Variants in KCNIP4 observed in about 807,000 individuals in gnomAD.
KCNIP4 encodes Kv channel-interacting protein 4.
In KCNIP4, 12 loss-of-function variants were observed where a neutral mutation model predicts 34.0. The observed-to-expected ratio is 0.35, with a 90% confidence interval of 0.23 to 0.57. The LOEUF is 0.57. Among genes scored for constraint, KCNIP4 ranks in the 20% least tolerant of loss-of-function variants. The pLI is 0.83. For missense variants in KCNIP4, 238 were observed against 311.7 expected (o/e 0.76, Z 1.78); for synonymous variants, 124 against 102.2 (o/e 1.21, Z -1.29).
chr4:21,014,304 C>G (rs528204243), intron 1 of KCNIP4, among the ~76,000 whole-genome samples: 2 of 152,324 alleles, frequency 1.3e-5, no homozygotes, highest in African/African-American at 4.8e-5. Context: ...CCTTTCCCCT[C>G]AAAGCCCATC....
Position 21,462,866 on chromosome 4 carries a change from T to G in KCNIP4, c.61+485705A>C, listed in dbSNP as rs564836433. ...TGCCACATTTTATTTATTCATTTAT[T>G]TATTCATTTTATTTATCCATTTATT... On this transcript the variant is annotated intron_variant, in intron 1 of 8. Transcript: ENST00000382152. 3.3e-4 allele frequency among the ~76,000 whole-genome samples: 50 copies of G among 152,034 alleles called. 1 individual carries two copies. Among genetic ancestry groups the G allele is most frequent in the African/African-American group, 1.2e-3 (49 of 41,454 alleles).
intron 3 of KCNIP4, among the ~76,000 whole-genome samples, chr4:20,781,683 G>T (rs938908292): frequency 6.6e-6 from 1 of 152,092 alleles, no homozygotes; most frequent in Non-Finnish European, 1.5e-5. Context: ...TCTCCCATTG[G>T]GTCCCTCCTA....
At position 21,320,964 on chromosome 4, in the gene KCNIP4, T is replaced by TTAAAAAAAAAAAAAAAAAAA. The variant is rs1553860312; in HGVS notation, c.62-438256_62-438255insTTTTTTTTTTTTTTTTTTTA. On this transcript the variant is annotated intron_variant, in intron 1 of 8. Coordinates refer to ENST00000382152, the MANE Select transcript of KCNIP4 (RefSeq NM_025221.6). Reference sequence around the variant, plus strand: ...TGGGCAATAGAGCAAGAATCTGTCTTAAAAAAAAAAAAAAAAAAGAGGAAA... The same window carrying TTAAAAAAAAAAAAAAAAAAA: ...TGGGCAATAGAGCAAGAATCTGTCTTTAAAAAAAAAAAAAAAAAAAAAAAAAAAAAAAAAAAAAGAGGAAA... Among the ~76,000 whole-genome samples the TTAAAAAAAAAAAAAAAAAAA allele has an allele frequency of 5.8e-4, 60 of 102,890 alleles. 1 individual carries two copies. In the East Asian group the frequency reaches 8.4e-3, roughly 14 times the overall value. 67.5% of individuals were successfully genotyped at this position (102,890 alleles called of 152,430 possible).
chr4:20,764,856 T>TATCA (rs1755258079), intron 3 of KCNIP4, among the ~76,000 whole-genome samples: 2 of 152,324 alleles, frequency 1.3e-5, no homozygotes, highest in Admixed American at 1.3e-4. Flanking sequence ...GTCGCTGTGA[T>TATCA]GGCACTCAGC....
At chr4:21,354,744 C>T (rs187345751) in intron 1 of KCNIP4, among the ~76,000 whole-genome samples, 6 of 152,284 alleles carry the variant, frequency 3.9e-5, no homozygotes, top group Admixed American at 3.9e-4. Context: ...ATCAACAAGA[C>T]AGAAGATTAA....
rs1401219732 is a variant in KCNIP4 at position 21,234,417 on chromosome 4, C to T, written c.62-351708G>A. ...TATATAATATATTATATAACATATACTATATATATTACATATAACGTATAT... is the reference window on the plus strand; with the variant it reads ...TATATAATATATTATATAACATATATTATATATATTACATATAACGTATAT... On this transcript the variant is annotated intron_variant, in intron 1 of 8. Coordinates refer to ENST00000382152, the MANE Select transcript of KCNIP4 (RefSeq NM_025221.6). Among the ~76,000 whole-genome samples, 33 of 125,178 alleles carry T rather than the reference C, an allele frequency of 2.6e-4. 5 individuals are homozygous for T. The highest frequency in any genetic ancestry group is 3.2e-4 in the African/African-American group (10 of 31,286). 82.1% of individuals were successfully genotyped at this position (125,178 alleles called of 152,430 possible).
chr4:20,996,462 CAT>C (rs1737562915), intron 1 of KCNIP4, among the ~76,000 whole-genome samples: 2 of 152,218 alleles, frequency 1.3e-5, no homozygotes, highest in Admixed American at 6.5e-5. Context: ...TCTCTGCCCA[CAT>C]AGTCTTTCGA....
At chr4:21,324,009 G>A (rs545660057) in intron 1 of KCNIP4, among the ~76,000 whole-genome samples, 9 of 152,068 alleles carry the variant, frequency 5.9e-5, no homozygotes, top group African/African-American at 1.9e-4. Context: ...GTGATGTTGA[G>A]CACTTTTCAT....
chr4:21,474,586 AT>A (rs1242594910), intron 1 of KCNIP4, among the ~76,000 whole-genome samples: 1 of 152,314 alleles, frequency 6.6e-6, no homozygotes, highest in East Asian at 1.9e-4. Flanking sequence ...CCAAAGCATT[AT>A]CTATAGTGAT....
chr4:20,944,019 C>A (rs1731925926), intron 1 of KCNIP4, among the ~76,000 whole-genome samples: 1 of 152,134 alleles, frequency 6.6e-6, no homozygotes, highest in Non-Finnish European at 1.5e-5. Context: ...AGGCCTTGAC[C>A]AGTTGCTCTA....
intron 1 of KCNIP4, among the ~76,000 whole-genome samples, chr4:21,933,464 C>T (rs1258247856): frequency 1.3e-5 from 2 of 152,010 alleles, no homozygotes; most frequent in African/African-American, 4.8e-5. Context: ...TTTCTAATTC[C>T]TTTAATCATT....
intron 1 of KCNIP4, among the ~76,000 whole-genome samples, chr4:21,514,148 T>C (rs1205468582): frequency 6.6e-6 from 1 of 152,162 alleles, no homozygotes; most frequent in African/African-American, 2.4e-5. Context: ...AAATGTTAAC[T>C]GTAAGATGGT....
intron 1 of KCNIP4, among the ~76,000 whole-genome samples, chr4:21,358,628 G>A (rs1718905941): frequency 1.1e-5 from 1 of 87,852 alleles, no homozygotes; most frequent in South Asian, 2.9e-4. Flanking sequence ...GTTTCTGAAT[G>A]AGATGAGATT....
At chr4:20,823,372 G>C (rs1717343141) in intron 3 of KCNIP4, among the ~76,000 whole-genome samples, 1 of 152,058 alleles carries the variant, frequency 6.6e-6, no homozygotes, top group Non-Finnish European at 1.5e-5. Context: ...AAGTAGAGTT[G>C]GTATCAATAG....
intron 1 of KCNIP4, among the ~76,000 whole-genome samples, chr4:21,628,983 T>C (rs1745528355): frequency 6.6e-6 from 1 of 152,190 alleles, no homozygotes; most frequent in African/African-American, 2.4e-5. Flanking sequence ...AGTATATACA[T>C]TTAAAGGTAG....
Position 20,810,454 on chromosome 4 carries a change from G to C in KCNIP4, c.288+40089C>G, listed in dbSNP as rs1715594353. 4.5e-5 allele frequency among the ~76,000 whole-genome samples: 6 copies of C among 133,350 alleles called. No homozygotes were observed. In the Admixed American group the frequency reaches 4.9e-4, roughly 11 times the overall value. 87.5% of individuals were successfully genotyped at this position (133,350 alleles called of 152,430 possible). ...AAATGGAAGAGTACAGGGCAGGGGGGAGGAAGGGGGGAGAGAGAGAGAGAG... is the reference window on the plus strand; with the variant it reads ...AAATGGAAGAGTACAGGGCAGGGGGCAGGAAGGGGGGAGAGAGAGAGAGAG... On this transcript the variant is annotated intron_variant, in intron 3 of 8. Coordinates refer to ENST00000382152, the MANE Select transcript of KCNIP4 (RefSeq NM_025221.6).
intron 1 of KCNIP4, among the ~76,000 whole-genome samples, chr4:21,034,394 AATGTTCTTTCTGGCCTCCTT>A (rs1175309701): frequency 6.6e-6 from 1 of 152,152 alleles, no homozygotes; most frequent in Admixed American, 6.5e-5. Context: ...CTGTGTTGAA[AATGTTCTTTCTGGCCTCCTT>A]ATGTTCTTTC....
intron 1 of KCNIP4, among the ~76,000 whole-genome samples, chr4:21,679,050 T>C (rs914270498): frequency 3.3e-5 from 5 of 152,112 alleles, no homozygotes; most frequent in Non-Finnish European, 7.4e-5. Flanking sequence ...AAGGTGGCCA[T>C]CTGCAAGCCA....
chr4:21,443,854 G>C (rs1004567439), intron 1 of KCNIP4, among the ~76,000 whole-genome samples: 1 of 152,070 alleles, frequency 6.6e-6, no homozygotes, highest in Admixed American at 6.5e-5. Flanking sequence ...GTTTGTTTAA[G>C]CCTGAGAGGT....
Sources: allele counts gnomAD v4.1 joint callset (sites outside exome capture counted in the v4.1 genomes callset), GRCh38; gene constraint gnomAD v4.1.1; transcripts MANE v1.5; gene names NCBI Gene and HGNC (gene_info 2026-07-23, HGNC 2026-07-21).